DAB2: variants seen among roughly 807,000 people sequenced by gnomAD.
The protein encoded by DAB2 is disabled homolog 2.
A neutral mutation model predicts 71.6 loss-of-function variants in DAB2; 28 were observed. The observed-to-expected ratio is 0.39, with a 90% CI of 0.29 to 0.54. The LOEUF is 0.54. DAB2 is among the 20% of genes least tolerant of loss of function. The probability of loss-of-function intolerance (pLI) is 0.68; values close to 1 mark genes in which losing one functional copy is unlikely to be tolerated. For missense variants in DAB2, 867 were observed against 928.8 expected, an observed-to-expected ratio of 0.93 and a Z score of 0.86; for synonymous variants, 345 against 339.7, an observed-to-expected ratio of 1.02 and a Z score of -0.17.
At chr5:39,394,851 T>TA (rs1465667136) in intron 1 of DAB2, among the ~76,000 whole-genome samples, 3 of 152,214 alleles carry the variant, frequency 2.0e-5, no homozygotes, top group Non-Finnish European at 4.4e-5. Context: ...GGAAAATTGC[T>TA]TAACTATAAA....
intron 8 of DAB2, among the ~76,000 whole-genome samples, chr5:39,388,596 C>T (rs1755151599): frequency 1.3e-5 from 2 of 152,192 alleles, no homozygotes; most frequent in Admixed American, 1.3e-4. Context: ...TCAGGTGTGG[C>T]TACTAAAAAG....
At chr5:39,394,133 G>T (rs1755300571) in intron 2 of DAB2, 97 bp downstream of exon 2, 3 of 975,918 alleles carry the variant, frequency 3.1e-6, no homozygotes, top group Admixed American at 2.0e-5. Context: ...GTTGAAGGAA[G>T]ATCAGAGCCA....
intron 3 of DAB2, 84 bp from the exon 4 acceptor site, chr5:39,392,547 C>A: frequency 9.3e-7 from 1 of 1,076,708 alleles, no homozygotes; most frequent in South Asian, 1.3e-5. Context: ...CAAAGTCAGT[C>A]AGCTTTGTTT....
At chr5:39,374,967 T>G in intron 14 of DAB2, 47 bp downstream of exon 14, 2 of 1,211,464 alleles carry the variant, frequency 1.7e-6, no homozygotes, top group South Asian at 1.3e-5. Context: ...ATGTCACCCT[T>G]TCTCACAAAA....
At position 39,408,799 on chromosome 5, in the gene DAB2, C is replaced by T. The variant is rs573261272; in HGVS notation, c.-101-14378G>A. The T allele has an allele frequency of 3.3e-5, 5 of 152,278 alleles. No homozygotes were observed. In the East Asian group the frequency reaches 9.6e-4, roughly 29 times the overall value. The allele number at this position is 152,278 out of a possible 1,614,324, so 9.4% of individuals were successfully genotyped here. ...CATCTCTCCTCTTGATACCAGTGTTCAAGCAGGCTGAAGGTCAGAATCTTG... is the reference window on the plus strand; with the variant it reads ...CATCTCTCCTCTTGATACCAGTGTTTAAGCAGGCTGAAGGTCAGAATCTTG... On this transcript the variant is annotated intron_variant, in intron 1 of 14. Coordinates refer to ENST00000320816, the MANE Select transcript of DAB2 (RefSeq NM_001343.4).
chr5:39,391,177 AC>A (rs1393905245), intron 4 of DAB2, among the ~76,000 whole-genome samples: 2 of 152,318 alleles, frequency 1.3e-5, no homozygotes, highest in African/African-American at 2.4e-5. Flanking sequence ...TACATCAGTA[AC>A]CAGGAATTAT....
chr5:39,383,476 A>G (rs958596122), intron 9 of DAB2, among the ~76,000 whole-genome samples: 1 of 152,106 alleles, frequency 6.6e-6, no homozygotes, highest in South Asian at 2.1e-4. Context: ...CCTCCCCAAT[A>G]TCATGCCCTT....
intron 9 of DAB2, chr5:39,387,727 T>G (rs988292316): frequency 5.9e-5 from 9 of 152,080 alleles, no homozygotes; most frequent in African/African-American, 2.2e-4. Flanking sequence ...ACCATTTTTT[T>G]TTAATTTATA....
chr5:39,423,416 C>G (rs1756033470), intron 1 of DAB2, among the ~76,000 whole-genome samples: 1 of 10,984 alleles, frequency 9.1e-5, no homozygotes, highest in South Asian at 2.0e-3. Flanking sequence ...AGGGGAGACA[C>G]AGAACCTGGA....
intron 1 of DAB2, among the ~76,000 whole-genome samples, chr5:39,395,343 T>C (rs1210684894): frequency 6.6e-6 from 1 of 152,192 alleles, no homozygotes; most frequent in East Asian, 1.9e-4. Flanking sequence ...AGACAACCTG[T>C]GGGCTGGCAC....
At position 39,383,237 on chromosome 5, in the gene DAB2, G is replaced by T. The variant is rs1350133706; in HGVS notation, c.722C>A (p.Ser241Tyr). The stretch of plus-strand genomic sequence containing the variant: ...AGAATTCTGATTGGTGTCGATTTCA[G>T]AGTTTAGATCCACTAACAGGATATC... ...SKDILLVDLN[S>Y]EIDTNQNSLR... The change falls in exon 10 of 15, where the codon TCT (serine) becomes TAT (tyrosine). Residue 241 changes from serine (S) to tyrosine (Y), a missense_variant. Ser to Tyr is a moderately radical substitution (Grantham distance 144). This residue lies in a region of DAB2 where 740 missense variants were observed against 734.3 expected (regional missense o/e 1.01). Transcript: ENST00000320816. The T allele has an allele frequency of 1.2e-6, 2 of 1,613,362 alleles. No individual in the cohort carries two copies. The highest frequency in any genetic ancestry group is 2.7e-5 in the African/African-American group (2 of 74,848).
intron 4 of DAB2, 127 bp downstream of exon 4, chr5:39,392,238 A>G (rs531616854): frequency 2.4e-4 from 174 of 713,752 alleles, no homozygotes; most frequent in South Asian, 2.4e-3. Context: ...ACTTCTGGAG[A>G]TGTAATATAT....
intron 1 of DAB2, among the ~76,000 whole-genome samples, chr5:39,403,519 T>C (rs1216869569): frequency 1.3e-5 from 2 of 152,124 alleles, no homozygotes; most frequent in Non-Finnish European, 2.9e-5. Flanking sequence ...AGAAAAAGGA[T>C]CTTACATGGT....
intron 4 of DAB2, among the ~76,000 whole-genome samples, chr5:39,391,146 G>A (rs62358404): frequency 2.0e-5 from 3 of 152,142 alleles, no homozygotes; most frequent in Non-Finnish European, 4.4e-5. Context: ...AATAACTACA[G>A]TATGTTAATG....
chr5:39,398,840 G>A (rs2859493), intron 1 of DAB2, among the ~76,000 whole-genome samples: 34,715 of 152,094 alleles, frequency 0.23, 4,058 homozygotes, highest in Admixed American at 0.29. Context: ...AACATGCAGT[G>A]GGTAGAAGGC....
At chr5:39,393,454 C>T in intron 2 of DAB2, 61 bp from the exon 3 acceptor site, 6 of 1,529,364 alleles carry the variant, frequency 3.9e-6, no homozygotes, top group Non-Finnish European at 5.4e-6. Context: ...CAAATATGCT[C>T]TAGACTCTCC....
chr5:39,402,946 ACAT>A (rs1264270320), intron 1 of DAB2, among the ~76,000 whole-genome samples: 1 of 152,242 alleles, frequency 6.6e-6, no homozygotes, highest in East Asian at 1.9e-4. Context: ...GCTCTGCTTC[ACAT>A]CATCTGGGAA....
chr5:39,383,787 A>T (rs1256035794), intron 9 of DAB2, among the ~76,000 whole-genome samples: 1 of 152,218 alleles, frequency 6.6e-6, no homozygotes, highest in Non-Finnish European at 1.5e-5. Flanking sequence ...AAATTCATCG[A>T]CTAATACATT....
intron 4 of DAB2, 27 bp downstream of exon 4, chr5:39,392,338 G>A (rs772969858): frequency 1.3e-4 from 208 of 1,548,394 alleles, no homozygotes; most frequent in Non-Finnish European, 1.8e-4. Flanking sequence ...GGTGGTCAGA[G>A]AGGTATCAGC....
Sources: gnomAD v4.1 joint callset for allele counts (sites outside exome capture counted in the v4.1 genomes callset) on GRCh38, gnomAD v4.1.1 for gene constraint, gnomAD v4.1.1 regional missense constraint, MANE v1.5 for transcripts, NCBI Gene and HGNC (gene_info 2026-07-23, HGNC 2026-07-21) for gene names.